NEXMIF: variants seen among roughly 807,000 people sequenced by gnomAD.
NEXMIF encodes the protein XLMR protein related to neurite extension.
In NEXMIF, 8 loss-of-function variants were observed where a neutral mutation model predicts 62.1. That is an observed-to-expected ratio of 0.13 (90% CI 0.08 to 0.23). The LOEUF (loss-of-function observed/expected upper bound fraction) is 0.23, where lower values mean the gene tolerates loss of function less well. Ranked by LOEUF, NEXMIF falls within the 10% of genes least tolerant of loss-of-function variation. The pLI, the probability that NEXMIF is intolerant of heterozygous loss-of-function variation, is 1.00. For synonymous variants in NEXMIF, 404 were observed against 416.6 expected (o/e 0.97, Z 0.37); for missense variants, 976 against 1,113.3 (o/e 0.88, Z 1.75).
At position 74,794,625 on chromosome X, in the gene NEXMIF, G is replaced by A. The variant is rs757264771; in HGVS notation, c.-47-48928C>T. Reference sequence around the variant, plus strand: ...TCGGACTGCTGTGCTAGCAATCAGCGAGACTCTGTGGGCATAGGACCCTCC... The same window carrying A: ...TCGGACTGCTGTGCTAGCAATCAGCAAGACTCTGTGGGCATAGGACCCTCC... On this transcript the variant is annotated intron_variant, in intron 1 of 3. Coordinates refer to ENST00000055682, the MANE Select transcript of NEXMIF (RefSeq NM_001008537.3). Among the ~76,000 whole-genome samples the A allele has an allele frequency of 3.2e-3, 360 of 111,952 alleles. 2 individuals carry two copies. The highest frequency in any genetic ancestry group is 0.011 in the African/African-American group (340 of 30,858).
intron 1 of NEXMIF, among the ~76,000 whole-genome samples, chrX:74,875,738 C>A (rs1453552718): frequency 9.0e-6 from 1 of 111,586 alleles, no homozygotes; most frequent in Non-Finnish European, 1.9e-5. Flanking sequence ...TGTATGTGTC[C>A]AGAAATTTAT....
At chrX:74,761,116 C>T (rs1029097272) in intron 1 of NEXMIF, among the ~76,000 whole-genome samples, 8 of 110,111 alleles carry the variant, frequency 7.3e-5, no homozygotes, top group African/African-American at 2.7e-4. Flanking sequence ...GTGATCCGCC[C>T]GCCTCGGCCT....
intron 1 of NEXMIF, among the ~76,000 whole-genome samples, chrX:74,765,636 T>A (rs2080192415): frequency 9.0e-6 from 1 of 110,926 alleles, no homozygotes. Flanking sequence ...ATAAACTTCC[T>A]CTGCATTTGC....
intron 1 of NEXMIF, among the ~76,000 whole-genome samples, chrX:74,782,938 G>C (rs1317827782): frequency 9.0e-6 from 1 of 111,627 alleles, no homozygotes; most frequent in Non-Finnish European, 1.9e-5. Flanking sequence ...AGTTATCTAA[G>C]CTTCAAGCAT....
intron 1 of NEXMIF, among the ~76,000 whole-genome samples, chrX:74,857,605 G>A (rs935578356): frequency 1.8e-5 from 2 of 111,644 alleles, no homozygotes; most frequent in African/African-American, 6.5e-5. Flanking sequence ...AGTGGCTATA[G>A]TGAGAGACTC....
chrX:74,836,418 C>T (rs1007915353), intron 1 of NEXMIF, among the ~76,000 whole-genome samples: 5 of 112,199 alleles, frequency 4.5e-5, no homozygotes, highest in African/African-American at 1.6e-4. Context: ...GTGGTCAGAA[C>T]GTCTTAGAAC....
At chrX:74,865,312 G>T (rs190160394) in intron 1 of NEXMIF, among the ~76,000 whole-genome samples, 245 of 111,735 alleles carry the variant, frequency 2.2e-3, no homozygotes, top group Middle Eastern at 9.4e-3. Flanking sequence ...GAGGGAAAGT[G>T]ACTGTTGTTA....
intron 1 of NEXMIF, among the ~76,000 whole-genome samples, chrX:74,809,093 A>C (rs191953936): frequency 9.0e-6 from 1 of 111,617 alleles, no homozygotes; most frequent in East Asian, 2.8e-4. Flanking sequence ...CACAGTAAGA[A>C]GGGCCTCACC....
intron 1 of NEXMIF, among the ~76,000 whole-genome samples, chrX:74,881,271 T>C (rs1381852413): frequency 9.0e-6 from 1 of 110,802 alleles, no homozygotes; most frequent in Non-Finnish European, 1.9e-5. Flanking sequence ...GAATCTCCCC[T>C]CAAGTTCACT....
chrX:74,776,158 T>A (rs1363579651), intron 1 of NEXMIF, among the ~76,000 whole-genome samples: 1 of 111,195 alleles, frequency 9.0e-6, no homozygotes, highest in Admixed American at 9.6e-5. Context: ...AATGTGAGCA[T>A]GTCATCATTT....
intron 1 of NEXMIF, among the ~76,000 whole-genome samples, chrX:74,872,257 G>C (rs773427340): frequency 9.0e-6 from 1 of 111,187 alleles, no homozygotes; most frequent in East Asian, 2.8e-4. Context: ...AAAAGAATGA[G>C]ATCCTGTCAT....
At chrX:74,902,840 T>A (rs939596149) in intron 1 of NEXMIF, among the ~76,000 whole-genome samples, 2 of 111,794 alleles carry the variant, frequency 1.8e-5, no homozygotes, top group East Asian at 5.6e-4. Context: ...GCAGGCAAGT[T>A]CTCTGGAGGT....
intron 1 of NEXMIF, among the ~76,000 whole-genome samples, chrX:74,760,608 AT>A (rs1257461020): frequency 9.0e-6 from 1 of 111,540 alleles, no homozygotes; most frequent in Non-Finnish European, 1.9e-5. Context: ...GAGATGCTGA[AT>A]TTTAACAAAG....
At chrX:74,803,571 A>T (rs758681350) in intron 1 of NEXMIF, among the ~76,000 whole-genome samples, 64 of 108,817 alleles carry the variant, frequency 5.9e-4, no homozygotes, top group South Asian at 1.9e-3. Context: ...CTGTCTCAAA[A>T]AAATAAATAA....
chrX:74,896,912 AT>A (rs1459471932), intron 1 of NEXMIF, among the ~76,000 whole-genome samples: 1 of 112,032 alleles, frequency 8.9e-6, no homozygotes, highest in African/African-American at 3.2e-5. Flanking sequence ...GAAAATATTC[AT>A]TTTTGTTCTG....
In NEXMIF at chrX:74,742,443, T is replaced by C. The variant is rs911321987; in HGVS notation, c.2114A>G (p.Gln705Arg). The stretch of plus-strand genomic sequence containing the variant: ...CTCTGGCCCCTTAAACTCTGTGTCT[T>C]GGGCTTTGACTTTCACTGAGTCAGG... ...TGPDSVKVKAQDTEFKGPERK... is the reference protein window; with the variant it reads ...TGPDSVKVKARDTEFKGPERK... The change falls in exon 3 of 4, where the codon CAA becomes CGA. Residue 705 changes from glutamine (Q) to arginine (R), a missense_variant. By Grantham distance (43) the Gln-to-Arg change is conservative. Transcript: ENST00000055682. 3 of 1,209,195 alleles carry C rather than the reference T, an allele frequency of 2.5e-6. No homozygotes were observed. The African/African-American group carries it at 5.2e-5, about 21-fold the overall frequency.
intron 1 of NEXMIF, among the ~76,000 whole-genome samples, chrX:74,862,290 C>T (rs2080560631): frequency 9.0e-6 from 1 of 111,133 alleles, no homozygotes; most frequent in Non-Finnish European, 1.9e-5. Context: ...GAAGAGTTAA[C>T]TATTGTAAAT....
intron 1 of NEXMIF, among the ~76,000 whole-genome samples, chrX:74,923,060 A>T (rs1279584853): frequency 1.8e-5 from 2 of 111,946 alleles, no homozygotes; most frequent in Non-Finnish European, 3.8e-5. Flanking sequence ...GAAATATTGG[A>T]AAGTATTTCT....
At chrX:74,898,687 A>C (rs1032991775) in intron 1 of NEXMIF, among the ~76,000 whole-genome samples, 4 of 111,770 alleles carry the variant, frequency 3.6e-5, no homozygotes, top group African/African-American at 1.3e-4. Flanking sequence ...CTGTAAATGT[A>C]AAACTGTTCT....
Sources: allele counts gnomAD v4.1 joint callset (sites outside exome capture counted in the v4.1 genomes callset), GRCh38; gene constraint gnomAD v4.1.1; transcripts MANE v1.5; gene names NCBI Gene and HGNC (gene_info 2026-07-23, HGNC 2026-07-21).